Variants in COLEC10 observed in about 807,000 individuals in gnomAD.
The protein encoded by COLEC10 is collectin-10.
Under a neutral mutation model 28.4 loss-of-function variants are expected in COLEC10, and 22 were observed. The ratio of observed to expected loss-of-function variants is 0.78; its 90% CI spans 0.55 to 1.11. The LOEUF is 1.11. Ranked by LOEUF, COLEC10 falls within the 50% of genes least tolerant of loss-of-function variation. The pLI, the probability that COLEC10 is intolerant of heterozygous loss-of-function variation, is 0.00. For synonymous variants in COLEC10, 125 were observed against 116.1 expected (o/e 1.08, Z -0.49); for missense variants, 361 against 344.1 (o/e 1.05, Z -0.39).
Position 119,007,318 on chromosome 8 carries a change from C to T in COLEC10, n.123-2123C>T, listed in dbSNP as rs939383587. ...CTACATTAAATCAATAAATATTTAA[C>T]TGTAGTTGTCTCATTTTATTTCCAT... On this transcript the variant is annotated intron_variant and non_coding_transcript_variant, in intron 1 of 6. Transcript: ENST00000521788. 3.9e-5 allele frequency among the ~76,000 whole-genome samples: 6 copies of T among 152,214 alleles called. 1 individual carries two copies. The highest frequency in any genetic ancestry group is 1.5e-5 in the Non-Finnish European group (1 of 67,992).
At chr8:119,020,372 A>G (rs1814070785) in intron 2 of COLEC10, among the ~76,000 whole-genome samples, 2 of 152,184 alleles carry the variant, frequency 1.3e-5, no homozygotes, top group South Asian at 2.1e-4. Flanking sequence ...GAATACATCA[A>G]TAAAATATTC....
At chr8:119,056,145 T>C (rs558596581) in intron 2 of COLEC10, among the ~76,000 whole-genome samples, 27 of 152,212 alleles carry the variant, frequency 1.8e-4, no homozygotes, top group South Asian at 8.3e-4. Context: ...ATCTTGTCAC[T>C]TCCACTTGTG....
At chr8:119,027,581 T>A (rs992416647) in intron 2 of COLEC10, among the ~76,000 whole-genome samples, 1 of 152,184 alleles carries the variant, frequency 6.6e-6, no homozygotes, top group Non-Finnish European at 1.5e-5. Context: ...ACAACAATTT[T>A]TTCTTTTGCC....
At chr8:119,095,491 T>C (rs1815695453) in intron 3 of COLEC10, among the ~76,000 whole-genome samples, 1 of 152,100 alleles carries the variant, frequency 6.6e-6, no homozygotes, top group South Asian at 2.1e-4. Flanking sequence ...TCACCTGAGG[T>C]CTGGAGTTTG....
rs902635700 is a variant in COLEC10 at position 119,014,111 on chromosome 8, A to G, written n.235+4558A>G. ...ATGACTGTTATCCATAAGATCAATT[A>G]AGAATAAGAAAAATTAAAGTTTATG... On this transcript the variant is annotated intron_variant and non_coding_transcript_variant, in intron 2 of 6. Coordinates refer to the COLEC10 transcript ENST00000521788. Among the ~76,000 whole-genome samples the G allele has an allele frequency of 3.0e-4, 46 of 150,906 alleles. 2 individuals carry two copies. Among genetic ancestry groups the G allele is most frequent in the African/African-American group, 8.7e-4 (35 of 40,410 alleles).
intron 1 of COLEC10, among the ~76,000 whole-genome samples, chr8:119,088,635 C>T (rs1283763852): frequency 1.3e-5 from 2 of 152,148 alleles, no homozygotes; most frequent in East Asian, 3.8e-4. Context: ...CTCTTTCATG[C>T]CCTGAGATTG....
At chr8:118,952,568 C>T in the COLEC10 span, among the ~76,000 whole-genome samples, 230 of 152,320 alleles carry the variant, frequency 1.5e-3, 1 homozygote, top group Non-Finnish European at 1.9e-4. Context: ...CCCTAAAGCC[C>T]GTGCTATTCT....
At chr8:119,054,229 T>TA (rs1410209353) in intron 2 of COLEC10, among the ~76,000 whole-genome samples, 1 of 152,074 alleles carries the variant, frequency 6.6e-6, no homozygotes, top group Non-Finnish European at 1.5e-5. Context: ...GCACCCAATT[T>TA]AAAAACCTAT....
intron 1 of COLEC10, among the ~76,000 whole-genome samples, chr8:118,999,207 C>G (rs890825063): frequency 2.0e-5 from 3 of 151,916 alleles, no homozygotes; most frequent in African/African-American, 7.3e-5. Context: ...GTGTGAGTGA[C>G]ATTTGGAGCC....
chr8:118,997,329 A>C (rs1813606223), intron 1 of COLEC10, among the ~76,000 whole-genome samples: 1 of 152,062 alleles, frequency 6.6e-6, no homozygotes, highest in Non-Finnish European at 1.5e-5. Flanking sequence ...CCACTTGTCT[A>C]TTCTTGCTTT....
chr8:119,043,724 A>G (rs1002258048), intron 2 of COLEC10, among the ~76,000 whole-genome samples: 3 of 152,212 alleles, frequency 2.0e-5, no homozygotes, highest in African/African-American at 7.2e-5. Flanking sequence ...TTATATATGC[A>G]TATGAATACA....
the COLEC10 span, among the ~76,000 whole-genome samples, chr8:118,980,199 A>G: frequency 6.8e-6 from 1 of 146,806 alleles, no homozygotes; most frequent in Admixed American, 6.8e-5. Flanking sequence ...ACCATAAAAC[A>G]TTCTTTTTTT....
the COLEC10 span, among the ~76,000 whole-genome samples, chr8:118,978,515 C>CT: frequency 5.2e-4 from 78 of 150,802 alleles, no homozygotes; most frequent in African/African-American, 1.2e-3. Context: ...ATAAAAGCTG[C>CT]TTTTTTTTTC....
intron 3 of COLEC10, 36 bp downstream of exon 3, chr8:119,091,256 A>C: frequency 6.5e-7 from 1 of 1,535,426 alleles, no homozygotes; most frequent in Middle Eastern, 1.7e-4. Context: ...GTAGCAATTC[A>C]AAGCAAATTG....
intron 2 of COLEC10, among the ~76,000 whole-genome samples, chr8:119,022,517 G>A (rs980212377): frequency 2.6e-5 from 4 of 152,086 alleles, no homozygotes; most frequent in African/African-American, 9.7e-5. Context: ...TTATAATGAT[G>A]TTAGGAAAGA....
At chr8:119,029,663 C>T (rs1179822849) in intron 2 of COLEC10, among the ~76,000 whole-genome samples, 1 of 152,006 alleles carries the variant, frequency 6.6e-6, no homozygotes, top group Non-Finnish European at 1.5e-5. Context: ...TTATAACCAT[C>T]CTGAGGGCAA....
At position 119,067,713 on chromosome 8, in the gene COLEC10, G is replaced by C. The variant is rs548517440; in HGVS notation, c.148+284G>C. 1.5e-4 allele frequency: 47 copies of C among 306,134 alleles called. No homozygotes were observed. The South Asian group carries it at 2.1e-3, about 14-fold the overall frequency. The allele number at this position is 306,134 out of a possible 1,614,324, so 19.0% of individuals were successfully genotyped here. A position where few individuals can be genotyped will look rare whatever the true frequency, so the allele number is the denominator to read the frequency against. On this transcript the variant is annotated intron_variant, in intron 1 of 5. Coordinates refer to ENST00000332843, the MANE Select transcript of COLEC10 (RefSeq NM_006438.5). ...AATTCCCTGTTCCATTCTGCTCCGG[G>C]GCAGATGCACAATCCAGGCATGAGT...
chr8:119,085,954 T>A (rs1172817524), intron 1 of COLEC10, among the ~76,000 whole-genome samples: 1 of 152,052 alleles, frequency 6.6e-6, no homozygotes, highest in Non-Finnish European at 1.5e-5. Context: ...AGGAGAAAGG[T>A]TACTAACAAC....
chr8:119,062,178 A>G (rs1265463369), intron 2 of COLEC10, among the ~76,000 whole-genome samples: 1 of 152,178 alleles, frequency 6.6e-6, no homozygotes, highest in African/African-American at 2.4e-5. Flanking sequence ...TAGGATTAAA[A>G]GAAGGAAAAT....
Sources: allele counts gnomAD v4.1 joint callset (sites outside exome capture counted in the v4.1 genomes callset), GRCh38; gene constraint gnomAD v4.1.1; transcripts MANE v1.5; gene names NCBI Gene and HGNC (gene_info 2026-07-23, HGNC 2026-07-21).